GNB3: variants seen among roughly 807,000 people sequenced by gnomAD.
GNB3 encodes the protein guanine nucleotide-binding protein G(I)/G(S)/G(T) subunit beta-3.
A neutral mutation model predicts 41.2 loss-of-function variants in GNB3; 33 were observed. The ratio of observed to expected loss-of-function variants is 0.80; its 90% CI spans 0.61 to 1.07. The LOEUF (loss-of-function observed/expected upper bound fraction) is 1.07. Among genes scored for constraint, GNB3 ranks in the 50% least tolerant of loss-of-function variants. GNB3 has a pLI of 0.00. For synonymous variants in GNB3, 172 were observed against 173.4 expected (o/e 0.99, Z 0.06); for missense variants, 409 against 455.3 (o/e 0.90, Z 0.92).
In GNB3 at chr12:6,846,632, C is replaced by G. The variant is rs12229775; in HGVS notation, c.917-160C>G. 6.6e-6 allele frequency: 4 copies of G among 602,444 alleles called. No homozygotes were observed. In the Admixed American group the frequency reaches 7.7e-5, roughly 12 times the overall value. 37.3% of individuals were successfully genotyped at this position (602,444 alleles called of 1,614,324 possible). ...GCTCAAGCACACATGCACACACACA[C>G]GTACACACACCCACACATGCATACA... On this transcript the variant is annotated intron_variant, in intron 9 of 9. Coordinates refer to ENST00000229264, the MANE Select transcript of GNB3 (RefSeq NM_002075.4).
chr12:6,841,681 C>T (rs1164278930), intron 3 of GNB3, 57 bp downstream of exon 3: 8 of 1,313,426 alleles, frequency 6.1e-6, no homozygotes, highest in Admixed American at 3.5e-5. Context: ...GGGAGCTCCC[C>T]GACCCGCAAT....
chr12:6,841,177 C>G, intron 1 of GNB3, 81 bp from the exon 2 acceptor site: 38 of 827,944 alleles, frequency 4.6e-5, no homozygotes, highest in East Asian at 1.1e-4. Flanking sequence ...TTCCCTGTGT[C>G]TTGGAGTCTG....
chr12:6,841,086 G>GCT (rs13306404), intron 1 of GNB3, 53 bp downstream of exon 1: 106,917 of 610,202 alleles, frequency 0.18, 14,403 homozygotes, highest in African/African-American at 0.52. Context: ...CGCAGGCAGG[G>GCT]CTCAGGCAGG....
intron 9 of GNB3, 61 bp downstream of exon 9, chr12:6,845,863 C>G (rs1283660551): frequency 8.5e-7 from 1 of 1,182,854 alleles, no homozygotes; most frequent in Non-Finnish European, 1.3e-6. Context: ...GCCCTCCCTC[C>G]CCATTCTGTA....
At position 6,843,993 on chromosome 12, in the gene GNB3, C is replaced by T. The variant is rs781906487; in HGVS notation, c.699+15C>T. The T allele has an allele frequency of 3.6e-5, 57 of 1,587,274 alleles. No homozygotes were observed. Among genetic ancestry groups the T allele is most frequent in the Non-Finnish European group, 3.9e-5 (45 of 1,162,880 alleles). ...ACGCCATCTGTGTGAGTGCACCCCC[C>T]ACCCCAGCTTCACTCCAACTCCTTC... On this transcript the variant is annotated intron_variant, in intron 8 of 9. Coordinates refer to ENST00000229264, the MANE Select transcript of GNB3 (RefSeq NM_002075.4). The surrounding 1 kb of genome is among the most constrained non-coding windows in gnomAD (Gnocchi z 5.9).
In GNB3 at chr12:6,846,697, A is replaced by ACC. The variant is rs201479371; in HGVS notation, c.917-94_917-93insCC. ...CCCCCACACACCCACATACACACAC[A>ACC]CACCCACACACCCACACATACACTT... On this transcript the variant is annotated intron_variant, in intron 9 of 9. Coordinates refer to ENST00000229264, the MANE Select transcript of GNB3 (RefSeq NM_002075.4). 0.025 allele frequency: 13,254 copies of ACC among 529,818 alleles called. 677 individuals are homozygous for ACC. Among genetic ancestry groups the ACC allele is most frequent in the African/African-American group, 0.17 (6,130 of 35,516 alleles). The allele number at this position is 529,818 out of a possible 1,614,324, so 32.8% of individuals were successfully genotyped here. A position where few individuals can be genotyped will look rare whatever the true frequency, so the allele number is the denominator to read the frequency against.
In GNB3 at chr12:6,845,653, G is replaced by A. The variant is rs781879948; in HGVS notation, c.767G>A (p.Arg256Gln). 9.9e-6 allele frequency: 16 copies of A among 1,613,784 alleles called. No homozygotes were observed. The highest frequency in any genetic ancestry group is 2.7e-5 in the African/African-American group (2 of 74,906). Reference sequence around the variant, plus strand: ...GCTTCCTGCCGCTTGTTTGACCTGCGGGCAGACCAGGAGCTGATCTGCTTC... The same window carrying A: ...GCTTCCTGCCGCTTGTTTGACCTGCAGGCAGACCAGGAGCTGATCTGCTTC... ...DDASCRLFDL[R>Q]ADQELICFSH... is the part of the protein sequence containing the mutation. The change falls in exon 9 of 10, where the codon CGG (arginine) becomes CAG (glutamine). Residue 256 changes from arginine to glutamine, a missense_variant. Coordinates refer to ENST00000229264, the MANE Select transcript of GNB3 (RefSeq NM_002075.4).
chr12:6,845,274 GAGTC>G, intron 8 of GNB3: 1 of 353,872 alleles, frequency 2.8e-6, no homozygotes, highest in Non-Finnish European at 5.3e-6. Flanking sequence ...TGTAGTCTGG[GAGTC>G]TGGGACAACC....
intron 9 of GNB3, 25 bp downstream of exon 9, chr12:6,845,827 T>A: frequency 6.4e-7 from 1 of 1,552,286 alleles, no homozygotes; most frequent in Non-Finnish European, 8.9e-7. Flanking sequence ...TGGCTGCTGC[T>A]TCCTCAGCTG....
chr12:6,842,966 G>A lies in GNB3; in HGVS notation c.97-4G>A, dbSNP rs1455494227. Reference sequence around the variant, plus strand: ...CCTGATATTCAGTGCCCCTCTCTCTGCAGCTGGTGTCTGGCCTAGAGGTGG... The same window carrying A: ...CCTGATATTCAGTGCCCCTCTCTCTACAGCTGGTGTCTGGCCTAGAGGTGG... On this transcript the variant is annotated splice_polypyrimidine_tract_variant and splice_region_variant and intron_variant, in intron 3 of 9. Transcript: ENST00000229264. The A allele has an allele frequency of 6.5e-7, 1 of 1,530,894 alleles. No individual in the cohort carries two copies. Among genetic ancestry groups the A allele is most frequent in the African/African-American group, 1.4e-5 (1 of 72,582 alleles). The allele number at this position is 1,530,894 out of a possible 1,614,324, so 94.8% of individuals were successfully genotyped here.
chr12:6,841,164 C>T (rs1488468877), intron 1 of GNB3, 94 bp from the exon 2 acceptor site: 3 of 762,650 alleles, frequency 3.9e-6, no homozygotes, highest in African/African-American at 1.7e-5. Flanking sequence ...GCCACCCAGT[C>T]GTTTCCCTGT....
At chr12:6,841,418 G>A (rs140043428) in intron 2 of GNB3, 74 bp downstream of exon 2, 60 of 1,389,996 alleles carry the variant, frequency 4.3e-5, no homozygotes, top group Admixed American at 7.5e-5. Context: ...AGGGGGAGGG[G>A]GCTGGGTTTG....
rs1251561238 is a variant in GNB3 at position 6,845,898 on chromosome 12, C to T, written c.916+96C>T. ...ACCCCCCATCAGCTCCCATTTCGGA[C>T]TCTCTTACTGCTGTCCCTTGTCACT... On this transcript the variant is annotated intron_variant, in intron 9 of 9. Coordinates refer to ENST00000229264, the MANE Select transcript of GNB3 (RefSeq NM_002075.4). 7.1e-6 allele frequency: 6 copies of T among 842,932 alleles called. No homozygotes were observed. The Admixed American group carries it at 7.2e-5, about 10-fold the overall frequency. 52.2% of individuals were successfully genotyped at this position (842,932 alleles called of 1,614,324 possible). A position where few individuals can be genotyped will look rare whatever the true frequency, so the allele number is the denominator to read the frequency against.
rs1555124435 is a variant in GNB3, at chr12:6,845,569, G to A, written c.700-17G>A. On this transcript the variant is annotated splice_polypyrimidine_tract_variant and intron_variant, in intron 8 of 9. Transcript: ENST00000229264. ...CCCAGGTCTGATCCCTGACCCACTT[G>A]CCACCCGTGCCCTCAGTTCTTCCCC... 11 of 1,585,170 alleles carry A rather than the reference G, an allele frequency of 6.9e-6. No homozygotes were observed. Among genetic ancestry groups the A allele is most frequent in the East Asian group, 4.5e-5 (2 of 44,604 alleles).
At position 6,840,964 on chromosome 12, in the gene GNB3, C is replaced by T. The variant is rs926998095; in HGVS notation, c.-100C>T. The T allele has an allele frequency of 9.5e-6, 4 of 420,080 alleles. No homozygotes were observed. The highest frequency in any genetic ancestry group is 6.5e-4 in the Middle Eastern group (1 of 1,528). The allele number at this position is 420,080 out of a possible 1,614,324, so 26.0% of individuals were successfully genotyped here. A position where few individuals can be genotyped will look rare whatever the true frequency, so the allele number is the denominator to read the frequency against. ...AGGTGACGGGCGGGCGCGGGCGTCG[C>T]AGCTGAGGGAGTAAGGAGGCTCCCA... On this transcript the variant is annotated 5_prime_UTR_variant, in exon 1 of 10. Coordinates refer to ENST00000229264, the MANE Select transcript of GNB3 (RefSeq NM_002075.4).
Position 6,843,307 on chromosome 12 carries a change from G to A in GNB3, c.268-56G>A. Reference sequence around the variant, plus strand: ...AAGGGCGCCATGCCTACCCTCCTGTGCCCAGCTGGGAGCTTGGCTCCGGTC... The same window carrying A: ...AAGGGCGCCATGCCTACCCTCCTGTACCCAGCTGGGAGCTTGGCTCCGGTC... On this transcript the variant is annotated intron_variant, in intron 5 of 9. Transcript: ENST00000229264. The surrounding 1 kb of genome is among the most constrained non-coding windows in gnomAD (Gnocchi z 5.9). 6.2e-7 allele frequency: 1 copy of A among 1,611,486 alleles called. No homozygotes were observed. The highest frequency in any genetic ancestry group is 8.5e-7 in the Non-Finnish European group (1 of 1,177,692).
intron 3 of GNB3, 63 bp downstream of exon 3, chr12:6,841,687 G>A (rs782161328): frequency 2.0e-5 from 24 of 1,199,506 alleles, no homozygotes; most frequent in Admixed American, 1.1e-4. Context: ...TCCCCGACCC[G>A]CAATAGCGCG....
In GNB3 at chr12:6,847,346, C is replaced by CT. The variant is rs1555125011; in HGVS notation, c.*455dup. On this transcript the variant is annotated 3_prime_UTR_variant, in exon 10 of 10. Transcript: ENST00000229264. ...TATTCATGCTTTCTCCTTTTTCTAC[C>CT]TTTTTTTCTCTCCTAAGACACCTGC... 1.1e-5 allele frequency: 2 copies of CT among 174,910 alleles called. No homozygotes were observed. The highest frequency in any genetic ancestry group is 1.2e-5 in the Non-Finnish European group (1 of 81,324). 10.8% of individuals were successfully genotyped at this position (174,910 alleles called of 1,614,324 possible).
intron 3 of GNB3, among the ~76,000 whole-genome samples, chr12:6,842,443 T>C (rs1192575340): frequency 6.6e-6 from 1 of 152,166 alleles, no homozygotes. Context: ...TGATGGCAAA[T>C]CAAGTCTGTT....
Sources: gnomAD v4.1 joint callset for allele counts (sites outside exome capture counted in the v4.1 genomes callset) on GRCh38, gnomAD v4.1.1 for gene constraint, Gnocchi (gnomAD v3.1) non-coding constraint, MANE v1.5 for transcripts, NCBI Gene and HGNC (gene_info 2026-07-23, HGNC 2026-07-21) for gene names.